Variants in SLC35D4 observed in about 807,000 individuals in gnomAD.
The protein encoded by SLC35D4 is UDP-N-acetylglucosamine transporter SLC35D4.
At chr18:23,376,117 G>C in the SLC35D4 span, among the ~76,000 whole-genome samples, 2 of 152,198 alleles carry the variant, frequency 1.3e-5, no homozygotes, top group Non-Finnish European at 2.9e-5. Flanking sequence ...CGAATACAAT[G>C]TTTTCACTTT....
At chr18:23,278,232 G>C in the SLC35D4 span, among the ~76,000 whole-genome samples, 449 of 152,318 alleles carry the variant, frequency 2.9e-3, 3 homozygotes, top group African/African-American at 0.01. Context: ...TGGTGCCCTG[G>C]CTGAGTACAG....
the SLC35D4 span, among the ~76,000 whole-genome samples, chr18:23,426,298 T>C: frequency 3.9e-5 from 6 of 152,142 alleles, no homozygotes; most frequent in Non-Finnish European, 5.9e-5. Context: ...GCAAAAATTA[T>C]TTCCAAAAAC....
At chr18:23,418,425 G>A in the SLC35D4 span, among the ~76,000 whole-genome samples, 4 of 149,962 alleles carry the variant, frequency 2.7e-5, no homozygotes, top group Admixed American at 6.6e-5. Flanking sequence ...AGGCTGGAGT[G>A]CAGTGGCGTG....
the SLC35D4 span, among the ~76,000 whole-genome samples, chr18:23,283,842 G>A: frequency 1.3e-5 from 2 of 151,848 alleles, no homozygotes; most frequent in African/African-American, 4.8e-5. Context: ...ATAAAAGAAT[G>A]GCTACTCCAT....
chr18:23,333,031 T>C, the SLC35D4 span, among the ~76,000 whole-genome samples: 6 of 152,104 alleles, frequency 3.9e-5, no homozygotes, highest in African/African-American at 1.4e-4. Context: ...GCTGAATACA[T>C]TTGCTGACAT....
chr18:23,350,085 T>C, the SLC35D4 span, among the ~76,000 whole-genome samples: 12 of 152,224 alleles, frequency 7.9e-5, no homozygotes, highest in Non-Finnish European at 1.6e-4. Context: ...TGTTGAATAC[T>C]GAACCTTTTA....
the SLC35D4 span, among the ~76,000 whole-genome samples, chr18:23,328,664 A>C: frequency 6.6e-6 from 1 of 152,354 alleles, no homozygotes; most frequent in South Asian, 2.1e-4. Flanking sequence ...CATCCCCATC[A>C]AGCTACCAAT....
chr18:23,294,689 G>T, the SLC35D4 span, among the ~76,000 whole-genome samples: 1 of 152,074 alleles, frequency 6.6e-6, no homozygotes, highest in Non-Finnish European at 1.5e-5. Flanking sequence ...AGCCTGGGAG[G>T]TTGAAGCTGC....
chr18:23,270,215 G>C, the SLC35D4 span, among the ~76,000 whole-genome samples: 7 of 152,210 alleles, frequency 4.6e-5, no homozygotes, highest in East Asian at 1.3e-3. Context: ...AAGGGGCCAA[G>C]GTACAGCTCA....
chr18:23,257,642 C>T, the SLC35D4 span: 1 of 328,272 alleles, frequency 3.0e-6, no homozygotes, highest in Non-Finnish European at 5.4e-6. Context: ...GAATCCCTAG[C>T]TGCCCCAGCC....
the SLC35D4 span, among the ~76,000 whole-genome samples, chr18:23,405,484 C>A: frequency 2.0e-5 from 3 of 152,344 alleles, no homozygotes; most frequent in African/African-American, 7.2e-5. Flanking sequence ...GCCACCACAC[C>A]TGGCCAATTT....
At chr18:23,371,938 T>TTTTTTTTTTTG in the SLC35D4 span, among the ~76,000 whole-genome samples, 21 of 21,356 alleles carry the variant, frequency 9.8e-4, no homozygotes, top group African/African-American at 2.1e-3. Flanking sequence ...TTTTTTTGTT[T>TTTTTTTTTTTG]TTTTTTTTTT....
chr18:23,384,942 G>C, the SLC35D4 span: 20 of 1,568,736 alleles, frequency 1.3e-5, 1 homozygote, highest in South Asian at 1.8e-4. Flanking sequence ...GTACTTCTTT[G>C]AAATCTAAAA....
chr18:23,400,197 G>A, the SLC35D4 span, among the ~76,000 whole-genome samples: 2 of 152,172 alleles, frequency 1.3e-5, no homozygotes, highest in Admixed American at 6.5e-5. Context: ...AAGGACTTCC[G>A]AAGGGTACAT....
chr18:23,258,197 G>C, the SLC35D4 span: 2 of 152,510 alleles, frequency 1.3e-5, no homozygotes, highest in Non-Finnish European at 2.9e-5. Context: ...CTGCCACCCC[G>C]CCACGTGTAT....
the SLC35D4 span, among the ~76,000 whole-genome samples, chr18:23,306,804 T>C: frequency 1.3e-5 from 2 of 152,158 alleles, no homozygotes; most frequent in Non-Finnish European, 2.9e-5. Flanking sequence ...ATAAGCATGA[T>C]CTTAAAGTGG....
the SLC35D4 span, among the ~76,000 whole-genome samples, chr18:23,414,122 G>C: frequency 6.6e-6 from 1 of 151,660 alleles, no homozygotes; most frequent in African/African-American, 2.4e-5. Context: ...GGGCATGGTG[G>C]CAGGAGCCTG....
chr18:23,250,058 G>T, the SLC35D4 span, among the ~76,000 whole-genome samples: 3 of 152,300 alleles, frequency 2.0e-5, no homozygotes, highest in East Asian at 5.8e-4. Context: ...TCTTTCAAGG[G>T]AAGTGTTATA....
At chr18:23,338,890 A>C in the SLC35D4 span, among the ~76,000 whole-genome samples, 1 of 152,132 alleles carries the variant, frequency 6.6e-6, no homozygotes, top group African/African-American at 2.4e-5. Flanking sequence ...GGAAAATCTC[A>C]TGCCATAAGT....
Sources: gnomAD v4.1 joint callset for allele counts (sites outside exome capture counted in the v4.1 genomes callset) on GRCh38, gnomAD v4.1.1 for gene constraint, MANE v1.5 for transcripts, NCBI Gene and HGNC (gene_info 2026-07-23, HGNC 2026-07-21) for gene names.